NLRC5: variants seen among roughly 807,000 people sequenced by gnomAD.
NLRC5 encodes protein NLRC5.
NLRC5 carries 114 observed loss-of-function variants against 206.9 expected under a neutral mutation model. That is an observed-to-expected ratio of 0.55 (90% CI 0.47 to 0.64). The LOEUF (loss-of-function observed/expected upper bound fraction) is 0.64, where lower values mean the gene tolerates loss of function less well. Among genes scored for constraint, NLRC5 ranks in the 30% least tolerant of loss-of-function variants. The probability of loss-of-function intolerance (pLI) is 0.00; values close to 1 mark genes in which losing one functional copy is unlikely to be tolerated. For synonymous variants in NLRC5, 952 were observed against 962.8 expected (o/e 0.99, Z 0.21); for missense variants, 2,008 against 2,305.5 (o/e 0.87, Z 2.64).
Position 56,989,631 on chromosome 16 carries a change from G to C in NLRC5, c.-128+14G>C, listed in dbSNP as rs2056536497. On this transcript the variant is annotated intron_variant, in intron 1 of 48. Transcript: ENST00000688547. The stretch of plus-strand genomic sequence containing the variant: ...GGAGCTCTGAGGGTGAGTGCCGGGC[G>C]TGCCGCGGGGCTGCGGGACCCGGGC... The C allele has an allele frequency of 6.5e-6, 1 of 153,172 alleles. No homozygotes were observed. The allele number at this position is 153,172 out of a possible 1,614,324, so 9.5% of individuals were successfully genotyped here.
intron 1 of NLRC5, among the ~76,000 whole-genome samples, chr16:57,010,643 G>C (rs1398297996): frequency 6.6e-6 from 1 of 152,188 alleles, no homozygotes; most frequent in African/African-American, 2.4e-5. Flanking sequence ...AAAGTGTTGG[G>C]ATTACAGGCG....
At chr16:57,039,967 A>AGAGCGGGAAGT (rs1445643469) in intron 16 of NLRC5, 118 bp downstream of exon 16, 19 of 903,388 alleles carry the variant, frequency 2.1e-5, no homozygotes, top group African/African-American at 3.3e-5. Flanking sequence ...AATTCACGGA[A>AGAGCGGGAAGT]GAGCGGGAAG....
intron 17 of NLRC5, among the ~76,000 whole-genome samples, chr16:57,040,949 C>T (rs1028031029): frequency 2.0e-5 from 3 of 152,084 alleles, no homozygotes; most frequent in African/African-American, 7.2e-5. Context: ...CCCAGGAGAC[C>T]CCACTCCCCT....
chr16:57,046,697 A>AG (rs1258465380), intron 22 of NLRC5, 56 bp downstream of exon 22: 2 of 1,431,688 alleles, frequency 1.4e-6, no homozygotes, highest in Non-Finnish European at 2.0e-6. Flanking sequence ...GAGGCGTCAG[A>AG]GGGGGCAGAG....
chr16:57,061,396 C>G, intron 30 of NLRC5, 52 bp from the exon 31 acceptor site: 2 of 1,545,600 alleles, frequency 1.3e-6, no homozygotes. Flanking sequence ...TGAAGCTGAG[C>G]AGCAGTGCCC....
At chr16:57,005,284 G>A (rs890177770) in intron 1 of NLRC5, among the ~76,000 whole-genome samples, 29 of 152,032 alleles carry the variant, frequency 1.9e-4, no homozygotes, top group African/African-American at 6.8e-4. Context: ...AAAACTACTA[G>A]CTATGCATGG....
intron 1 of NLRC5, among the ~76,000 whole-genome samples, chr16:56,997,124 G>A (rs1360517822): frequency 5.9e-5 from 9 of 151,904 alleles, no homozygotes; most frequent in Non-Finnish European, 5.9e-5. Context: ...TGCCTGTCTC[G>A]GCCTCCCAAA....
chr16:57,022,150 G>A, intron 3 of NLRC5, 106 bp from the exon 4 acceptor site: 1 of 821,176 alleles, frequency 1.2e-6, no homozygotes, highest in East Asian at 2.7e-5. Flanking sequence ...CTCCCTTGCT[G>A]GGTATCTCCC....
At chr16:57,062,413 G>T (rs1200467183) in intron 32 of NLRC5, 2 of 303,802 alleles carry the variant, frequency 6.6e-6, no homozygotes, top group East Asian at 1.9e-4. Context: ...GCACGGGATG[G>T]CGATGGTCTT....
chr16:57,074,264 G>T, intron 38 of NLRC5: 1 of 206,460 alleles, frequency 4.8e-6, no homozygotes, highest in African/African-American at 2.3e-5. Context: ...CCTGTAAAAT[G>T]GGGACGATAA....
At chr16:57,059,337 T>G in intron 29 of NLRC5, 130 bp from the exon 30 acceptor site, 1 of 1,484,124 alleles carries the variant, frequency 6.7e-7, no homozygotes, top group Non-Finnish European at 9.0e-7. Context: ...CCTCTGGTTC[T>G]GAGGCCTCCA....
intron 27 of NLRC5, among the ~76,000 whole-genome samples, chr16:57,055,803 G>GT (rs2065584627): frequency 6.6e-6 from 1 of 152,206 alleles, no homozygotes. Context: ...GCAGATGGGG[G>GT]CTAAAACGCA....
chr16:57,004,913 C>T (rs920042512), intron 1 of NLRC5, among the ~76,000 whole-genome samples: 1 of 152,190 alleles, frequency 6.6e-6, no homozygotes, highest in Non-Finnish European at 1.5e-5. Context: ...CTTCCAGGTG[C>T]ACCCCAGCCC....
intron 27 of NLRC5, 69 bp downstream of exon 27, chr16:57,055,588 G>A (rs2065539107): frequency 3.1e-6 from 4 of 1,283,030 alleles, no homozygotes; most frequent in Non-Finnish European, 4.5e-6. Flanking sequence ...AAGGGGGTAT[G>A]AGGGTCCGTG....
At chr16:57,081,231 C>A in intron 47 of NLRC5, 50 bp downstream of exon 47, 1 of 1,503,152 alleles carries the variant, frequency 6.7e-7, no homozygotes. Context: ...GGACCTACAT[C>A]CCGGGAACAC....
Position 57,026,492 on chromosome 16 carries a change from C to A in NLRC5, c.1549C>A (p.Leu517Met), listed in dbSNP as rs2061285717. ...AGGCTATGCTTTCACCCACCTCAGC[C>A]TGCAGGAGTTTCTTGCTGCCCTGCA... is the stretch of plus-strand genomic sequence containing the variant. ...QTGYAFTHLSLQEFLAALHLM... is the reference protein window; with the variant it reads ...QTGYAFTHLSMQEFLAALHLM... The change falls in exon 6 of 49, where the codon CTG (leucine) becomes ATG (methionine). Residue 517 changes from leucine (L) to methionine (M), a missense_variant. Physicochemically the swap from Leu to Met is conservative, Grantham distance 15. Coordinates refer to ENST00000688547, the MANE Select transcript of NLRC5 (RefSeq NM_001384950.1). 1 of 1,614,182 alleles carries A rather than the reference C, an allele frequency of 6.2e-7. No individual in the cohort carries two copies. The highest frequency in any genetic ancestry group is 1.3e-5 in the African/African-American group (1 of 75,076).
At chr16:57,079,021 G>C (rs930448811) in intron 43 of NLRC5, 29 bp from the exon 44 acceptor site, 21 of 1,602,556 alleles carry the variant, frequency 1.3e-5, no homozygotes, top group Non-Finnish European at 1.6e-5. Flanking sequence ...AGTCCCTCAG[G>C]CTCCTCTCAC....
chr16:57,081,212 G>T, intron 47 of NLRC5, 31 bp downstream of exon 47: 3 of 1,529,468 alleles, frequency 2.0e-6, no homozygotes, highest in Non-Finnish European at 2.6e-6. Context: ...AATGGGACGG[G>T]CTAAAGGGGG....
chr16:57,082,009 G>A (rs1405205358), intron 48 of NLRC5, among the ~76,000 whole-genome samples: 1 of 152,190 alleles, frequency 6.6e-6, no homozygotes, highest in Non-Finnish European at 1.5e-5. Context: ...ACTGCACAAG[G>A]GCATTAAACC....
Sources: allele counts gnomAD v4.1 joint callset (sites outside exome capture counted in the v4.1 genomes callset), GRCh38; gene constraint gnomAD v4.1.1; transcripts MANE v1.5; gene names NCBI Gene and HGNC (gene_info 2026-07-23, HGNC 2026-07-21).